CCDC7: variants seen among roughly 807,000 people sequenced by gnomAD.
The protein encoded by CCDC7 is coiled-coil domain containing 7.
In CCDC7, 183 loss-of-function variants were observed where a neutral mutation model predicts 196.9. The observed-to-expected ratio is 0.93, with a 90% CI of 0.82 to 1.05. The LOEUF is 1.05. Among genes scored for constraint, CCDC7 ranks in the 50% least tolerant of loss-of-function variants. The pLI, the probability that CCDC7 is intolerant of heterozygous loss-of-function variation, is 0.00. For synonymous variants in CCDC7, 525 were observed against 484.6 expected, an observed-to-expected ratio of 1.08 and a Z score of -1.10; for missense variants, 1,540 against 1,482.2, an observed-to-expected ratio of 1.04 and a Z score of -0.64.
intron 16 of CCDC7, chr10:32,574,644 T>C: frequency 2.3e-6 from 1 of 433,848 alleles, no homozygotes. Context: ...TAATTTATTG[T>C]TTCACATCAT....
intron 41 of CCDC7, among the ~76,000 whole-genome samples, chr10:32,872,736 G>T (rs1427640680): frequency 6.6e-6 from 1 of 151,890 alleles, no homozygotes; most frequent in Non-Finnish European, 1.5e-5. Context: ...CAGGCCTGGT[G>T]GTGACAAAAT....
At chr10:32,756,558 AT>A (rs1330458775) in intron 28 of CCDC7, among the ~76,000 whole-genome samples, 2 of 152,202 alleles carry the variant, frequency 1.3e-5, no homozygotes, top group African/African-American at 4.8e-5. Flanking sequence ...ATGCTGAGAG[AT>A]TTTGTCACCA....
At chr10:32,805,205 CA>C in intron 30 of CCDC7, 107 bp downstream of exon 31, 1 of 750,524 alleles carries the variant, frequency 1.3e-6, no homozygotes. Context: ...ATGACATGGG[CA>C]CAGGTTCTCA....
intron 18 of CCDC7, among the ~76,000 whole-genome samples, chr10:32,615,753 A>G (rs1433038204): frequency 3.9e-5 from 6 of 152,050 alleles, no homozygotes; most frequent in African/African-American, 1.4e-4. Context: ...TGCTTAAGTC[A>G]ATGTCCAGAA....
chr10:32,499,023 G>C (rs2043389695), intron 9 of CCDC7: 1 of 150,114 alleles, frequency 6.7e-6, no homozygotes, highest in African/African-American at 2.4e-5. Context: ...TCAGGTACAT[G>C]AATCAAATGT....
chr10:32,542,408 G>A (rs983849541), intron 11 of CCDC7, among the ~76,000 whole-genome samples: 6 of 152,142 alleles, frequency 3.9e-5, no homozygotes, highest in Middle Eastern at 3.4e-3. Context: ...CGAGGCGGGC[G>A]GATCACCAGA....
chr10:32,555,110 A>G (rs1192491581), intron 13 of CCDC7, among the ~76,000 whole-genome samples: 2 of 152,314 alleles, frequency 1.3e-5, no homozygotes, highest in Non-Finnish European at 2.9e-5. Flanking sequence ...GGACACTTAC[A>G]TTGCTTCTAA....
intron 21 of CCDC7, among the ~76,000 whole-genome samples, chr10:32,679,693 T>C (rs1290732759): frequency 6.6e-6 from 1 of 152,184 alleles, no homozygotes; most frequent in Non-Finnish European, 1.5e-5. Context: ...TTATCATCTG[T>C]GCATCAACAG....
chr10:32,452,429 A>G (rs1588675280), intron 1 of CCDC7, among the ~76,000 whole-genome samples: 1 of 152,182 alleles, frequency 6.6e-6, no homozygotes, highest in African/African-American at 2.4e-5. Context: ...CATTTCTACT[A>G]TGTTAAACTC....
intron 28 of CCDC7, among the ~76,000 whole-genome samples, chr10:32,763,341 C>T (rs1050189582): frequency 3.9e-5 from 6 of 151,914 alleles, no homozygotes; most frequent in Admixed American, 1.3e-4. Context: ...GGATGGCTAT[C>T]ATCAAAAACA....
At chr10:32,760,755 A>AT (rs1565426417) in intron 28 of CCDC7, among the ~76,000 whole-genome samples, 1 of 149,092 alleles carries the variant, frequency 6.7e-6, no homozygotes, top group Admixed American at 6.8e-5. Flanking sequence ...TAATAATAAA[A>AT]TTAAAAAAAA....
intron 13 of CCDC7, among the ~76,000 whole-genome samples, chr10:32,546,100 CTG>C (rs1235427073): frequency 6.6e-6 from 1 of 152,098 alleles, no homozygotes. Context: ...CCTGGCATAA[CTG>C]TCTCCTGAAA....
chr10:32,869,176 C>G (rs1385426301), intron 41 of CCDC7, among the ~76,000 whole-genome samples: 4 of 152,068 alleles, frequency 2.6e-5, no homozygotes, highest in Admixed American at 6.6e-5. Context: ...CTAGTTTACA[C>G]TCCCACCAGC....
chr10:32,471,205 G>A lies in CCDC7; in HGVS notation c.652G>A (p.Val218Met), dbSNP rs375098645. The change falls in exon 6 of 42, where the codon GTG (valine) becomes ATG (methionine). Residue 218 changes from valine to methionine, a missense_variant. Physicochemically the swap from Val to Met is conservative, Grantham distance 21 (BLOSUM62 1). Transcript: ENST00000639629. ...CCTTAAACAGAGGTCTAAATCCTCCGTGAAAGTCATGTTGTCTAAAACTAT... is the reference window on the plus strand; with the variant it reads ...CCTTAAACAGAGGTCTAAATCCTCCATGAAAGTCATGTTGTCTAAAACTAT... The A allele has an allele frequency of 5.0e-5, 81 of 1,608,992 alleles. No individual in the cohort carries two copies. The highest frequency in any genetic ancestry group is 1.3e-4 in the East Asian group (6 of 44,718).
intron 31 of CCDC7, among the ~76,000 whole-genome samples, chr10:32,822,581 C>T (rs948424082): frequency 6.6e-6 from 1 of 151,782 alleles, no homozygotes; most frequent in African/African-American, 2.4e-5. Context: ...TTAATATTTA[C>T]AGGTATAATA....
At chr10:32,522,979 T>C (rs2048100205) in intron 11 of CCDC7, among the ~76,000 whole-genome samples, 1 of 152,220 alleles carries the variant, frequency 6.6e-6, no homozygotes, top group Non-Finnish European at 1.5e-5. Flanking sequence ...CCAAAATTCC[T>C]TTTGTTATTG....
intron 20 of CCDC7, among the ~76,000 whole-genome samples, chr10:32,639,195 A>G (rs2992080): frequency 0.34 from 52,160 of 151,888 alleles, 11,405 homozygotes; most frequent in Non-Finnish European, 0.5. Context: ...TCTTGGATTC[A>G]TTGATTTTTT....
intron 13 of CCDC7, among the ~76,000 whole-genome samples, chr10:32,553,861 C>T (rs895549399): frequency 2.6e-5 from 4 of 152,140 alleles, no homozygotes; most frequent in East Asian, 3.9e-4. Flanking sequence ...GAGGAAGAGG[C>T]GGTGGCTGTG....
At chr10:32,501,895 G>T (rs147325566) in intron 9 of CCDC7, among the ~76,000 whole-genome samples, 1 of 152,152 alleles carries the variant, frequency 6.6e-6, no homozygotes, top group Non-Finnish European at 1.5e-5. Context: ...TCCTCTCTTC[G>T]GAGCTGTCAG....
Sources: gnomAD v4.1 joint callset for allele counts (sites outside exome capture counted in the v4.1 genomes callset) on GRCh38, gnomAD v4.1.1 for gene constraint, MANE v1.5 for transcripts, NCBI Gene and HGNC (gene_info 2026-07-23, HGNC 2026-07-21) for gene names.